The following NDST3 variants were observed in gnomAD, a reference collection of about 807,000 sequenced individuals.
NDST3 encodes the protein N-deacetylase and N-sulfotransferase 3.
Under a neutral mutation model 96.1 loss-of-function variants are expected in NDST3, and 58 were observed. The observed-to-expected ratio is 0.60, with a 90% CI of 0.49 to 0.75. The LOEUF (loss-of-function observed/expected upper bound fraction) is 0.75, where lower values mean the gene tolerates loss of function less well. Ranked by LOEUF, NDST3 falls within the 30% of genes least tolerant of loss-of-function variation. The probability of loss-of-function intolerance (pLI) is 0.00; values close to 1 mark genes in which losing one functional copy is unlikely to be tolerated. For synonymous variants in NDST3, 333 were observed against 359.7 expected (o/e 0.93, Z 0.84); for missense variants, 788 against 1,034.2 (o/e 0.76, Z 3.27).
chr4:118,149,808 G>A (rs1231182701), intron 6 of NDST3, among the ~76,000 whole-genome samples: 2 of 151,848 alleles, frequency 1.3e-5, no homozygotes, highest in Non-Finnish European at 2.9e-5. Context: ...TAGGAGTGGT[G>A]AAAGAGGGCA....
chr4:118,196,028 C>T lies in NDST3; in HGVS notation c.1540-28463C>T, dbSNP rs147675583. On this transcript the variant is annotated intron_variant, in intron 6 of 13. Transcript: ENST00000296499. Reference sequence around the variant, plus strand: ...TATGTTAAGGTATGCTCCTTCTATACGCAGTTTTTTGAGGGTTTTTCATGA... The same window carrying T: ...TATGTTAAGGTATGCTCCTTCTATATGCAGTTTTTTGAGGGTTTTTCATGA... 3.7e-4 allele frequency among the ~76,000 whole-genome samples: 56 copies of T among 152,228 alleles called. No individual in the cohort carries two copies. The East Asian group carries it at 4.6e-3, about 13-fold the overall frequency.
At chr4:118,035,761 T>A (rs2110415795) in intron 1 of NDST3, among the ~76,000 whole-genome samples, 1 of 152,148 alleles carries the variant, frequency 6.6e-6, no homozygotes, top group South Asian at 2.1e-4. Flanking sequence ...TTTTTCTTTA[T>A]CATCTTGATG....
chr4:118,193,430 T>C, intron 6 of NDST3: 1 of 679,108 alleles, frequency 1.5e-6, no homozygotes. Flanking sequence ...CACTTGAGAC[T>C]GGCTCTCTGT....
chr4:118,169,728 A>T (rs1365246569), intron 6 of NDST3, among the ~76,000 whole-genome samples: 2 of 150,700 alleles, frequency 1.3e-5, no homozygotes, highest in Admixed American at 1.3e-4. Flanking sequence ...CAGGAGGCGG[A>T]GGTTGCAGTC....
chr4:118,237,695 T>G lies in NDST3; in HGVS notation c.2118+475T>G, dbSNP rs997902573. ...CAATATGTAAATGCATAAGCATTCCTGTGTTCCAATAAAACTTTACTGAAT... is the reference window on the plus strand; with the variant it reads ...CAATATGTAAATGCATAAGCATTCCGGTGTTCCAATAAAACTTTACTGAAT... On this transcript the variant is annotated intron_variant, in intron 10 of 13. Coordinates refer to ENST00000296499, the MANE Select transcript of NDST3 (RefSeq NM_004784.3). Among the ~76,000 whole-genome samples the G allele has an allele frequency of 2.0e-5, 3 of 152,210 alleles. No homozygotes were observed. In the East Asian group the frequency reaches 5.8e-4, roughly 29 times the overall value.
At chr4:118,101,933 T>C (rs1729799413) in intron 2 of NDST3, among the ~76,000 whole-genome samples, 1 of 152,108 alleles carries the variant, frequency 6.6e-6, no homozygotes, top group Non-Finnish European at 1.5e-5. Context: ...GGAAGATTAA[T>C]GTGATAGGAG....
At chr4:118,042,059 A>G (rs1724502445) in intron 1 of NDST3, among the ~76,000 whole-genome samples, 1 of 152,188 alleles carries the variant, frequency 6.6e-6, no homozygotes, top group Admixed American at 6.5e-5. Flanking sequence ...GTCAATTCCA[A>G]AGATTTTCTT....
chr4:118,137,219 T>G (rs1474543628), intron 4 of NDST3, among the ~76,000 whole-genome samples: 1 of 152,138 alleles, frequency 6.6e-6, no homozygotes, highest in Non-Finnish European at 1.5e-5. Context: ...TCCAAGCAAT[T>G]GAAAAATATA....
At chr4:118,130,198 T>C (rs1732494667) in intron 4 of NDST3, among the ~76,000 whole-genome samples, 1 of 152,034 alleles carries the variant, frequency 6.6e-6, no homozygotes, top group South Asian at 2.1e-4. Flanking sequence ...TGTGATTATT[T>C]ACGTGTAGAA....
chr4:118,253,372 A>C, intron 12 of NDST3, 127 bp from the exon 13 acceptor site: 1 of 564,020 alleles, frequency 1.8e-6, no homozygotes. Flanking sequence ...TTCTCTGGTT[A>C]TAGATTGTTA....
intron 8 of NDST3, among the ~76,000 whole-genome samples, chr4:118,231,142 C>T (rs1284495689): frequency 2.0e-5 from 3 of 151,840 alleles, no homozygotes; most frequent in Non-Finnish European, 4.4e-5. Flanking sequence ...TCGAGACCAG[C>T]CTGGCCAACA....
rs1266473461 is a variant in NDST3 at position 118,114,892 on chromosome 4, C to T, written c.1156C>T (p.Gln386Ter). ...WWFPHMWSHM[Q>*]PHLFHNESSL... Reference sequence around the variant, plus strand: ...GTTTCCTCACATGTGGAGCCATATGCAGCCCCACCTCTTCCACAATGAGTC... The same window carrying T: ...GTTTCCTCACATGTGGAGCCATATGTAGCCCCACCTCTTCCACAATGAGTC... Residue 386 changes from glutamine (Q) to a stop codon, truncating the protein, a stop_gained, in exon 4 of 14, where the codon CAG becomes TAG. Coordinates refer to ENST00000296499, the MANE Select transcript of NDST3 (RefSeq NM_004784.3). LOFTEE classifies it high-confidence loss of function. 2 of 1,614,080 alleles carry T rather than the reference C, an allele frequency of 1.2e-6. No individual in the cohort carries two copies. Among genetic ancestry groups the T allele is most frequent in the East Asian group, 2.2e-5 (1 of 44,876 alleles).
rs1741616420 is a variant in NDST3, at chr4:118,250,431, T to G, written c.2400-3068T>G. ...TAATGATGAATGATGTTCAGCAAAT[T>G]TTCATTTGTTCATTGACCATTCATA... is the stretch of plus-strand genomic sequence containing the variant. On this transcript the variant is annotated intron_variant, in intron 12 of 13. Transcript: ENST00000296499. Among the ~76,000 whole-genome samples, 13 of 152,348 alleles carry G rather than the reference T, an allele frequency of 8.5e-5. No homozygotes were observed. The South Asian group carries it at 2.7e-3, about 32-fold the overall frequency.
chr4:118,052,546 T>TG lies in NDST3; in HGVS notation c.-155-1210_-155-1209insG, dbSNP rs764619774. ...CCTCTAAAATAACGGTTGAATTTTTTTAAAAGGAAAAGAATTCCTTAGGTG... is the reference window on the plus strand; with the variant it reads ...CCTCTAAAATAACGGTTGAATTTTTTGTAAAAGGAAAAGAATTCCTTAGGTG... On this transcript the variant is annotated intron_variant, in intron 1 of 13. Coordinates refer to ENST00000296499, the MANE Select transcript of NDST3 (RefSeq NM_004784.3). 2.0e-5 allele frequency among the ~76,000 whole-genome samples: 3 copies of TG among 152,094 alleles called. No homozygotes were observed. The South Asian group carries it at 6.2e-4, about 32-fold the overall frequency.
chr4:118,036,157 G>A (rs1400958134), intron 1 of NDST3, among the ~76,000 whole-genome samples: 2 of 151,920 alleles, frequency 1.3e-5, no homozygotes, highest in African/African-American at 2.4e-5. Flanking sequence ...TTGTCTACCT[G>A]TCATTTCAAA....
chr4:118,077,205 G>A (rs1249980974), intron 2 of NDST3, among the ~76,000 whole-genome samples: 1 of 152,166 alleles, frequency 6.6e-6, no homozygotes, highest in Admixed American at 6.5e-5. Context: ...CTCTGATGGG[G>A]GGGTGCCAGC....
intron 1 of NDST3, among the ~76,000 whole-genome samples, chr4:118,036,878 T>C (rs977548667): frequency 1.1e-4 from 17 of 152,252 alleles, no homozygotes; most frequent in Non-Finnish European, 2.1e-4. Flanking sequence ...CTATAATTCT[T>C]GATTACCTGT....
chr4:118,115,162 A>T (rs1447863055), intron 4 of NDST3, among the ~76,000 whole-genome samples: 1 of 152,202 alleles, frequency 6.6e-6, no homozygotes, highest in African/African-American at 2.4e-5. Flanking sequence ...GAAGGATCTA[A>T]TTTGAGAGGG....
intron 12 of NDST3, among the ~76,000 whole-genome samples, chr4:118,247,232 G>C (rs1018209784): frequency 1.3e-5 from 2 of 149,032 alleles, no homozygotes; most frequent in Admixed American, 1.3e-4. Flanking sequence ...GGAATGTCCA[G>C]AAAAGAGACA....
Sources: gnomAD v4.1 joint callset for allele counts (sites outside exome capture counted in the v4.1 genomes callset) on GRCh38, gnomAD v4.1.1 for gene constraint, MANE v1.5 for transcripts, NCBI Gene and HGNC (gene_info 2026-07-23, HGNC 2026-07-21) for gene names.